The following TRPM3 variants were observed in gnomAD, a reference collection of about 807,000 sequenced individuals.
TRPM3 encodes the protein transient receptor potential cation channel subfamily M member 3, also known as long transient receptor potential channel 3.
A neutral mutation model predicts 181.2 loss-of-function variants in TRPM3; 77 were observed. The observed-to-expected ratio is 0.42, with a 90% confidence interval of 0.35 to 0.51. The LOEUF (loss-of-function observed/expected upper bound fraction) is 0.51, where lower values mean the gene tolerates loss of function less well. Among genes scored for constraint, TRPM3 ranks in the 20% least tolerant of loss-of-function variants. The pLI is 0.01. For synonymous variants in TRPM3, 745 were observed against 796.4 expected (o/e 0.94, Z 1.09); for missense variants, 1,759 against 2,196.7 (o/e 0.80, Z 3.98).
intron 1 of TRPM3, among the ~76,000 whole-genome samples, chr9:70,864,776 A>G (rs576062273): frequency 6.6e-6 from 1 of 152,226 alleles, no homozygotes; most frequent in South Asian, 2.1e-4. Context: ...TAGTGATGGA[A>G]TCATGTACAA....
At position 70,776,630 on chromosome 9, in the gene TRPM3, G is replaced by T. The variant is rs966663432; in HGVS notation, c.1148+7475C>A. 4 of 545,658 alleles carry T rather than the reference G, an allele frequency of 7.3e-6. No individual in the cohort carries two copies. In the Admixed American group the frequency reaches 1.4e-4, roughly 19 times the overall value. The allele number at this position is 545,658 out of a possible 1,614,324, so 33.8% of individuals were successfully genotyped here. A position where few individuals can be genotyped will look rare whatever the true frequency, so the allele number is the denominator to read the frequency against. ...TTTTTATGGCACAGCTTGCTTTTCA[G>T]GGAAGAATGTTCAAGTCTGATAGAC... On this transcript the variant is annotated intron_variant, in intron 7 of 25. Coordinates refer to ENST00000677713, the MANE Select transcript of TRPM3 (RefSeq NM_001366145.2).
intron 1 of TRPM3, among the ~76,000 whole-genome samples, chr9:71,296,737 T>C (rs574032789): frequency 3.9e-5 from 6 of 152,250 alleles, no homozygotes; most frequent in African/African-American, 7.2e-5. Flanking sequence ...CATTAGAAGA[T>C]TGCTACAAGA....
chr9:70,950,046 G>A (rs1207140423), intron 1 of TRPM3, among the ~76,000 whole-genome samples: 1 of 151,752 alleles, frequency 6.6e-6, no homozygotes, highest in Non-Finnish European at 1.5e-5. Context: ...TTCCTACCTT[G>A]TTTATACTAA....
chr9:70,930,947 A>G (rs917990391), intron 1 of TRPM3, among the ~76,000 whole-genome samples: 3 of 152,162 alleles, frequency 2.0e-5, no homozygotes, highest in African/African-American at 7.2e-5. Flanking sequence ...AAATACAGAT[A>G]AAAATTAGAA....
intron 9 of TRPM3, among the ~76,000 whole-genome samples, chr9:70,655,250 G>A (rs1277886078): frequency 4.5e-5 from 6 of 134,632 alleles, no homozygotes; most frequent in African/African-American, 1.7e-4. Flanking sequence ...AGGTTGCAGT[G>A]AGCTGAGATC....
At chr9:70,788,828 A>G (rs953639990) in intron 6 of TRPM3, among the ~76,000 whole-genome samples, 8 of 152,250 alleles carry the variant, frequency 5.3e-5, no homozygotes, top group Non-Finnish European at 1.2e-4. Context: ...CCATATATGC[A>G]CAGTTCACAA....
intron 1 of TRPM3, among the ~76,000 whole-genome samples, chr9:70,993,971 G>A: frequency 6.6e-6 from 1 of 151,998 alleles, no homozygotes. Flanking sequence ...TGTCACAGAG[G>A]CATACTGTGA....
At chr9:71,040,512 G>C (rs2058699660) in intron 1 of TRPM3, among the ~76,000 whole-genome samples, 1 of 152,118 alleles carries the variant, frequency 6.6e-6, no homozygotes, top group Non-Finnish European at 1.5e-5. Context: ...ACATAGAGTA[G>C]CATCTCTTTG....
intron 1 of TRPM3, among the ~76,000 whole-genome samples, chr9:71,385,426 T>G (rs2092902534): frequency 6.6e-6 from 1 of 152,220 alleles, no homozygotes; most frequent in South Asian, 2.1e-4. Flanking sequence ...TGAGACATCT[T>G]TATTTGTATT....
chr9:70,801,181 C>T (rs566801021), intron 6 of TRPM3, among the ~76,000 whole-genome samples: 1 of 152,300 alleles, frequency 6.6e-6, no homozygotes, highest in African/African-American at 2.4e-5. Context: ...GTCACTCTAC[C>T]TTGCTCATAC....
intron 1 of TRPM3, among the ~76,000 whole-genome samples, chr9:71,378,649 T>C (rs1156943164): frequency 6.6e-6 from 1 of 152,028 alleles, no homozygotes; most frequent in African/African-American, 2.4e-5. Flanking sequence ...TGCTGCCCCT[T>C]TGGAAACCGG....
intron 1 of TRPM3, among the ~76,000 whole-genome samples, chr9:71,380,441 T>A (rs763475810): frequency 2.0e-5 from 3 of 151,858 alleles, no homozygotes; most frequent in African/African-American, 7.3e-5. Context: ...GAATGGAAAA[T>A]TTTTAATTTG....
intron 1 of TRPM3, among the ~76,000 whole-genome samples, chr9:71,192,958 A>G (rs1331154329): frequency 6.6e-6 from 1 of 151,892 alleles, no homozygotes; most frequent in Non-Finnish European, 1.5e-5. Context: ...TCAAATACAT[A>G]TCATTTTTGT....
At chr9:71,300,184 A>C (rs1333097255) in intron 1 of TRPM3, among the ~76,000 whole-genome samples, 6 of 152,126 alleles carry the variant, frequency 3.9e-5, no homozygotes, top group Non-Finnish European at 8.8e-5. Flanking sequence ...TAACCAAAGA[A>C]ACAGTAACCT....
intron 7 of TRPM3, among the ~76,000 whole-genome samples, chr9:70,777,901 T>C (rs1458232318): frequency 1.3e-5 from 2 of 152,068 alleles, no homozygotes. Flanking sequence ...CAGATAATTA[T>C]AGGGATTAGG....
intron 1 of TRPM3, among the ~76,000 whole-genome samples, chr9:71,069,264 C>T (rs1409090134): frequency 2.0e-5 from 3 of 152,162 alleles, no homozygotes; most frequent in Non-Finnish European, 4.4e-5. Context: ...CCCACCTCTG[C>T]CTCACAGGTT....
At chr9:71,217,520 A>G (rs989537300) in intron 1 of TRPM3, among the ~76,000 whole-genome samples, 1 of 152,200 alleles carries the variant, frequency 6.6e-6, no homozygotes, top group African/African-American at 2.4e-5. Flanking sequence ...ATTTCTGTCC[A>G]TGGTATTTAG....
intron 1 of TRPM3, among the ~76,000 whole-genome samples, chr9:71,104,243 C>T (rs1327775516): frequency 6.6e-6 from 1 of 152,130 alleles, no homozygotes; most frequent in Non-Finnish European, 1.5e-5. Context: ...TGAGTGACCA[C>T]TACTACTAAT....
At chr9:71,428,948 G>GAAAAAA (rs34737844) in intron 1 of TRPM3, among the ~76,000 whole-genome samples, 10 of 121,992 alleles carry the variant, frequency 8.2e-5, no homozygotes, top group Non-Finnish European at 1.2e-4. Flanking sequence ...TGTTTCAAAG[G>GAAAAAA]AAAAAAAAAA....
Sources: allele counts gnomAD v4.1 joint callset (sites outside exome capture counted in the v4.1 genomes callset), GRCh38; gene constraint gnomAD v4.1.1; transcripts MANE v1.5; gene names NCBI Gene and HGNC (gene_info 2026-07-23, HGNC 2026-07-21).